SHISA6: variants seen among roughly 807,000 people sequenced by gnomAD.
The protein encoded by SHISA6 is shisa family member 6.
A neutral mutation model predicts 47.9 loss-of-function variants in SHISA6; 22 were observed. The observed-to-expected ratio is 0.46, with a 90% CI of 0.33 to 0.66. SHISA6 has a LOEUF of 0.66. Ranked by LOEUF, SHISA6 falls within the 30% of genes least tolerant of loss-of-function variation. The pLI, the probability that SHISA6 is intolerant of heterozygous loss-of-function variation, is 0.02. For synonymous variants in SHISA6, 388 were observed against 337.8 expected, an observed-to-expected ratio of 1.15 and a Z score of -1.63; for missense variants, 680 against 764.6, an observed-to-expected ratio of 0.89 and a Z score of 1.30.
intron 3 of SHISA6, among the ~76,000 whole-genome samples, chr17:11,397,937 T>C (rs548930016): frequency 6.6e-6 from 1 of 152,270 alleles, no homozygotes; most frequent in East Asian, 1.9e-4. Flanking sequence ...GTCTTTTTCT[T>C]TCATTTCTTT....
At chr17:11,490,340 T>C (rs1178681444) in intron 3 of SHISA6, among the ~76,000 whole-genome samples, 1 of 150,322 alleles carries the variant, frequency 6.7e-6, no homozygotes, top group Non-Finnish European at 1.5e-5. Context: ...TGAGAGGGAG[T>C]AAGAGAAGAG....
intron 2 of SHISA6, among the ~76,000 whole-genome samples, chr17:11,343,963 A>T (rs1447423666): frequency 3.9e-5 from 6 of 152,196 alleles, no homozygotes; most frequent in Non-Finnish European, 2.9e-5. Flanking sequence ...TGCTGGGATT[A>T]CAAGCATGAG....
intron 2 of SHISA6, among the ~76,000 whole-genome samples, chr17:11,330,280 C>T (rs951825197): frequency 6.6e-6 from 1 of 152,088 alleles, no homozygotes; most frequent in Non-Finnish European, 1.5e-5. Context: ...CCATCTGAAC[C>T]ACCTGGACTG....
intron 2 of SHISA6, among the ~76,000 whole-genome samples, chr17:11,334,762 G>A (rs1185465791): frequency 6.6e-6 from 1 of 152,228 alleles, no homozygotes; most frequent in African/African-American, 2.4e-5. Context: ...GAGAAGGTGT[G>A]GATGGAATAC....
intron 2 of SHISA6, among the ~76,000 whole-genome samples, chr17:11,316,750 G>C (rs549625713): frequency 6.6e-6 from 1 of 152,094 alleles, no homozygotes; most frequent in Non-Finnish European, 1.5e-5. Context: ...ACTTAGTTTC[G>C]TTCATTCTTA....
chr17:11,420,003 A>C (rs1379686070), intron 3 of SHISA6, among the ~76,000 whole-genome samples: 1 of 152,200 alleles, frequency 6.6e-6, no homozygotes, highest in African/African-American at 2.4e-5. Flanking sequence ...CAGGAGTTCG[A>C]GACCAGCCTG....
chr17:11,469,902 C>T (rs907195197), intron 3 of SHISA6, among the ~76,000 whole-genome samples: 18 of 152,158 alleles, frequency 1.2e-4, no homozygotes, highest in African/African-American at 4.3e-4. Flanking sequence ...TATTTGGAAA[C>T]AGGGCCTTTA....
chr17:11,474,082 A>T (rs933100292), intron 3 of SHISA6, among the ~76,000 whole-genome samples: 1 of 152,090 alleles, frequency 6.6e-6, no homozygotes, highest in African/African-American at 2.4e-5. Flanking sequence ...TGCAAAGGAC[A>T]TTATCTCATT....
At chr17:11,448,453 G>A (rs1045303315) in intron 3 of SHISA6, among the ~76,000 whole-genome samples, 4 of 151,804 alleles carry the variant, frequency 2.6e-5, no homozygotes, top group Non-Finnish European at 5.9e-5. Flanking sequence ...AATGGCTTGA[G>A]CCCAAGAGAT....
intron 2 of SHISA6, among the ~76,000 whole-genome samples, chr17:11,332,635 C>G (rs1431046868): frequency 6.6e-6 from 1 of 152,126 alleles, no homozygotes; most frequent in African/African-American, 2.4e-5. Flanking sequence ...TTTCTGTCTC[C>G]TTTTGTGCAG....
At chr17:11,323,185 CG>C (rs1190278362) in intron 2 of SHISA6, among the ~76,000 whole-genome samples, 2 of 152,038 alleles carry the variant, frequency 1.3e-5, no homozygotes, top group Non-Finnish European at 2.9e-5. Context: ...AATCTCAAAC[CG>C]TTCTAATTTT....
intron 3 of SHISA6, among the ~76,000 whole-genome samples, chr17:11,496,371 C>T (rs1008739221): frequency 7.9e-5 from 12 of 152,174 alleles, no homozygotes; most frequent in East Asian, 1.9e-4. Context: ...AAAAATAACA[C>T]GGTGGGCTGA....
At chr17:11,281,086 C>A (rs73293786) in intron 2 of SHISA6, among the ~76,000 whole-genome samples, 3,329 of 152,226 alleles carry the variant, frequency 0.022, 128 homozygotes, top group African/African-American at 0.073. Context: ...AGAATTTTTA[C>A]AAACAATTAT....
chr17:11,482,356 T>C (rs1597542862), intron 3 of SHISA6, among the ~76,000 whole-genome samples: 1 of 152,266 alleles, frequency 6.6e-6, no homozygotes, highest in East Asian at 1.9e-4. Flanking sequence ...GTAACATAAG[T>C]TTATGTAAAT....
intron 3 of SHISA6, among the ~76,000 whole-genome samples, chr17:11,494,839 A>T (rs1281473916): frequency 6.6e-6 from 1 of 152,164 alleles, no homozygotes; most frequent in Non-Finnish European, 1.5e-5. Context: ...ATCGCCTGGG[A>T]AGCTTTTAAA....
intron 3 of SHISA6, among the ~76,000 whole-genome samples, chr17:11,405,062 A>T (rs1269143608): frequency 6.6e-6 from 1 of 152,078 alleles, no homozygotes; most frequent in East Asian, 1.9e-4. Flanking sequence ...CCAGTTGCAA[A>T]TCTGACTCAG....
intron 2 of SHISA6, among the ~76,000 whole-genome samples, chr17:11,316,414 TCTCTC>T (rs140066317): frequency 0.17 from 9,984 of 58,542 alleles, 638 homozygotes; most frequent in East Asian, 0.32. Context: ...TCTCTCTCTC[TCTCTC>T]TTTTTTTTTT....
At chr17:11,261,314 G>T (rs1002432221) in intron 1 of SHISA6, among the ~76,000 whole-genome samples, 1 of 152,214 alleles carries the variant, frequency 6.6e-6, no homozygotes, top group Non-Finnish European at 1.5e-5. Flanking sequence ...ATGTGGCAGG[G>T]TTCCCATCCT....
rs1442906087 is a variant in SHISA6 at position 11,563,728 on chromosome 17, G to A, written c.*5424G>A. ...AGCAATTCTTACTGTAATATTTTTAGTTTGGGGACACAATTTCCTAAGGGG... is the reference window on the plus strand; with the variant it reads ...AGCAATTCTTACTGTAATATTTTTAATTTGGGGACACAATTTCCTAAGGGG... On this transcript the variant is annotated 3_prime_UTR_variant, in exon 6 of 6. Transcript: ENST00000441885. 6.6e-6 allele frequency: 1 copy of A among 152,182 alleles called. No homozygotes were observed. The highest frequency in any genetic ancestry group is 1.5e-5 in the Non-Finnish European group (1 of 68,012). The allele number at this position is 152,182 out of a possible 1,614,324, so 9.4% of individuals were successfully genotyped here. A position where few individuals can be genotyped will look rare whatever the true frequency, so the allele number is the denominator to read the frequency against.
Sources: gnomAD v4.1 joint callset for allele counts (sites outside exome capture counted in the v4.1 genomes callset) on GRCh38, gnomAD v4.1.1 for gene constraint, MANE v1.5 for transcripts, NCBI Gene and HGNC (gene_info 2026-07-23, HGNC 2026-07-21) for gene names.